The following MAP7 variants were observed in gnomAD, a reference collection of about 807,000 sequenced individuals.
MAP7 encodes ensconsin.
Under a neutral mutation model 94.8 loss-of-function variants are expected in MAP7, and 52 were observed. The ratio of observed to expected loss-of-function variants is 0.55; its 90% confidence interval spans 0.44 to 0.69. MAP7 has a LOEUF of 0.69. Ranked by LOEUF, MAP7 falls within the 30% of genes least tolerant of loss-of-function variation. The probability of loss-of-function intolerance (pLI) is 0.00; values close to 1 mark genes in which losing one functional copy is unlikely to be tolerated. For missense variants in MAP7, 940 were observed against 964.6 expected (o/e 0.97, Z 0.34); for synonymous variants, 350 against 357.0 (o/e 0.98, Z 0.22).
intron 6 of MAP7, among the ~76,000 whole-genome samples, chr6:136,379,948 G>A (rs12210873): frequency 6.8e-4 from 103 of 152,278 alleles, no homozygotes; most frequent in Non-Finnish European, 9.6e-4. Flanking sequence ...CAGAGCGTCC[G>A]TAAGATAACT....
chr6:136,420,319 C>A, intron 2 of MAP7: 1 of 732,902 alleles, frequency 1.4e-6, no homozygotes, highest in Non-Finnish European at 2.5e-6. Flanking sequence ...ACGTGACCAA[C>A]ACCACCCGCT....
chr6:136,505,277 G>GTATGTATATATATATATA (rs1821126348), intron 1 of MAP7, among the ~76,000 whole-genome samples: 1 of 53,810 alleles, frequency 1.9e-5, no homozygotes, highest in African/African-American at 8.1e-5. Flanking sequence ...GTGTGTGTGT[G>GTATGTATATATATATATA]TATATATATA....
Position 136,417,153 on chromosome 6 carries a change from T to C in MAP7, c.166+4548A>G, listed in dbSNP as rs112699153. Among the ~76,000 whole-genome samples the C allele has an allele frequency of 6.6e-3, 998 of 152,270 alleles. 14 individuals are homozygous for C. Among genetic ancestry groups the C allele is most frequent in the Middle Eastern group, 6.8e-3 (2 of 294 alleles). On this transcript the variant is annotated intron_variant, in intron 2 of 17. Transcript: ENST00000354570. The stretch of plus-strand genomic sequence containing the variant: ...TAAAATAATGTATATTCCACATTGT[T>C]TCCCAATGGATCTAATATGGTTAGA...
intron 2 of MAP7, among the ~76,000 whole-genome samples, chr6:136,418,479 T>C (rs1790232702): frequency 6.6e-6 from 1 of 152,240 alleles, no homozygotes; most frequent in Admixed American, 6.5e-5. Flanking sequence ...CCTCCCAAAT[T>C]GCTGGGATTA....
intron 1 of MAP7, among the ~76,000 whole-genome samples, chr6:136,540,868 GGT>G (rs1490737298): frequency 6.6e-6 from 1 of 152,164 alleles, no homozygotes; most frequent in Non-Finnish European, 1.5e-5. Context: ...ATATTTAAAT[GGT>G]CCCCAGGTGA....
At chr6:136,451,721 G>A (rs1405293732) in intron 1 of MAP7, among the ~76,000 whole-genome samples, 1 of 152,208 alleles carries the variant, frequency 6.6e-6, no homozygotes, top group Non-Finnish European at 1.5e-5. Context: ...TACTTTTGAT[G>A]CATGGCAGGA....
intron 1 of MAP7, among the ~76,000 whole-genome samples, chr6:136,452,915 A>G (rs1030907476): frequency 6.6e-6 from 1 of 152,196 alleles, no homozygotes. Context: ...AATAGACTAC[A>G]GTATAGTGTA....
At position 136,364,916 on chromosome 6, in the gene MAP7, A is replaced by C. The variant is rs1263391552; in HGVS notation, c.1273+819T>G. 2.0e-5 allele frequency: 3 copies of C among 152,306 alleles called. No individual in the cohort carries two copies. The East Asian group carries it at 5.8e-4, about 29-fold the overall frequency. 9.4% of individuals were successfully genotyped at this position (152,306 alleles called of 1,614,324 possible). A position where few individuals can be genotyped will look rare whatever the true frequency, so the allele number is the denominator to read the frequency against. On this transcript the variant is annotated intron_variant, in intron 10 of 17. Coordinates refer to ENST00000354570, the MANE Select transcript of MAP7 (RefSeq NM_003980.6). ...CAGCTGTGCTGCTGCCAAATTCCTG[A>C]CCCAAGAATCCATGTGATATGATAA...
At chr6:136,418,737 T>C (rs1790313052) in intron 2 of MAP7, among the ~76,000 whole-genome samples, 1 of 151,970 alleles carries the variant, frequency 6.6e-6, no homozygotes, top group Non-Finnish European at 1.5e-5. Context: ...TCCCAAAATA[T>C]ATAATGAACT....
At chr6:136,455,361 G>C (rs1032061038) in intron 1 of MAP7, among the ~76,000 whole-genome samples, 2 of 152,068 alleles carry the variant, frequency 1.3e-5, no homozygotes, top group East Asian at 3.8e-4. Context: ...GAACTGGAGA[G>C]AGCAATAAAC....
intron 1 of MAP7, among the ~76,000 whole-genome samples, chr6:136,468,899 G>C (rs913140458): frequency 2.0e-5 from 3 of 152,094 alleles, no homozygotes; most frequent in Admixed American, 2.0e-4. Flanking sequence ...GAAATGACTG[G>C]TACCACAAGG....
chr6:136,379,306 A>G (rs946662477), intron 6 of MAP7, among the ~76,000 whole-genome samples: 3 of 152,232 alleles, frequency 2.0e-5, no homozygotes, highest in Non-Finnish European at 4.4e-5. Flanking sequence ...AAGAGTAAAT[A>G]TTTTGATCAG....
intron 1 of MAP7, among the ~76,000 whole-genome samples, chr6:136,537,691 C>T (rs1256701334): frequency 6.6e-6 from 1 of 152,150 alleles, no homozygotes; most frequent in Non-Finnish European, 1.5e-5. Flanking sequence ...ACAGTGGCTA[C>T]TGTATACAAA....
At chr6:136,367,658 T>C (rs1242900732) in intron 8 of MAP7, among the ~76,000 whole-genome samples, 4 of 152,206 alleles carry the variant, frequency 2.6e-5, no homozygotes, top group Admixed American at 2.6e-4. Context: ...AGAGAAGAGC[T>C]TCACAAGGTG....
chr6:136,496,559 T>C (rs2129000751), intron 1 of MAP7, among the ~76,000 whole-genome samples: 1 of 152,148 alleles, frequency 6.6e-6, no homozygotes, highest in South Asian at 2.1e-4. Flanking sequence ...GTCCCCTACA[T>C]GTGAACATGG....
At chr6:136,348,150 T>G (rs575809754) in intron 16 of MAP7, among the ~76,000 whole-genome samples, 1 of 152,178 alleles carries the variant, frequency 6.6e-6, no homozygotes, top group South Asian at 2.1e-4. Context: ...TGGTTCTTAA[T>G]ACAGAGAGAA....
In MAP7 at chr6:136,362,612, G is replaced by A. The variant is rs1793147998; in HGVS notation, c.1364C>T (p.Ser455Leu). Residue 455 changes from serine (S) to leucine (L), a missense_variant, in exon 11 of 18, where the codon TCA (serine) becomes TTA (leucine). Ser to Leu is a moderately radical substitution (Grantham distance 145). Transcript: ENST00000354570. Reference sequence around the variant, plus strand: ...GGCATTCACAGTGGATGACGGGGCTGAGACCATGGCTGGGGTGGGGACCGG... The same window carrying A: ...GGCATTCACAGTGGATGACGGGGCTAAGACCATGGCTGGGGTGGGGACCGG... ...PAPVPTPAMV[S>L]APSSTVNASA... 4 of 1,613,834 alleles carry A rather than the reference G, an allele frequency of 2.5e-6. No homozygotes were observed. The highest frequency in any genetic ancestry group is 3.4e-6 in the Non-Finnish European group (4 of 1,179,920).
intron 7 of MAP7, among the ~76,000 whole-genome samples, chr6:136,373,916 G>A (rs1374509503): frequency 6.6e-6 from 1 of 152,172 alleles, no homozygotes; most frequent in Non-Finnish European, 1.5e-5. Flanking sequence ...CTTTATTAAT[G>A]CACTCTTTCA....
intron 2 of MAP7, among the ~76,000 whole-genome samples, chr6:136,419,158 C>T (rs1330610198): frequency 6.6e-6 from 1 of 152,126 alleles, no homozygotes; most frequent in African/African-American, 2.4e-5. Flanking sequence ...TTAGAATGAC[C>T]TATTCATATA....
Sources: allele counts gnomAD v4.1 joint callset (sites outside exome capture counted in the v4.1 genomes callset), GRCh38; gene constraint gnomAD v4.1.1; transcripts MANE v1.5; gene names NCBI Gene and HGNC (gene_info 2026-07-23, HGNC 2026-07-21).